The following ZNF7 variants were observed in gnomAD, a reference collection of about 807,000 sequenced individuals.
ZNF7 encodes the protein zinc finger protein 7.
ZNF7 carries 10 observed loss-of-function variants against 12.0 expected under a neutral mutation model. The ratio of observed to expected loss-of-function variants is 0.83; its 90% CI spans 0.51 to 1.42. The LOEUF (loss-of-function observed/expected upper bound fraction) is 1.42. Among genes scored for constraint, ZNF7 ranks in the 40% most tolerant of loss-of-function variants. ZNF7 has a pLI of 0.00. For synonymous variants in ZNF7, 334 were observed against 295.0 expected, an observed-to-expected ratio of 1.13 and a Z score of -1.35; for missense variants, 854 against 837.2, an observed-to-expected ratio of 1.02 and a Z score of -0.25.
intron 1 of ZNF7, 51 bp downstream of exon 1, chr8:144,827,660 C>A: frequency 1.0e-6 from 1 of 985,376 alleles, no homozygotes; most frequent in Non-Finnish European, 1.2e-6. Flanking sequence ...TCCGAGTGAT[C>A]CCTGGTCGCT....
In ZNF7 at chr8:144,842,959, G is replaced by T. The variant is rs1830148802; in HGVS notation, c.1852G>T (p.Gly618Trp). 6.2e-7 allele frequency: 1 copy of T among 1,614,072 alleles called. No homozygotes were observed. The highest frequency in any genetic ancestry group is 1.7e-5 in the Admixed American group (1 of 60,000). ...WFYEYGNALE[G>W]STFVSRKKVN... ...TTACGAATATGGGAATGCCCTGGAAGGGTCCACCTTTGTGAGCCGTAAAAA... is the reference window on the plus strand; with the variant it reads ...TTACGAATATGGGAATGCCCTGGAATGGTCCACCTTTGTGAGCCGTAAAAA... The change falls in exon 5 of 5, where the codon GGG becomes TGG. Residue 618 changes from glycine (G) to tryptophan (W), a missense_variant. Coordinates refer to ENST00000532777, the MANE Select transcript of ZNF7 (RefSeq NM_003416.4).
chr8:144,831,391 TCGTGTGTGCACAGG>T (rs140631480), intron 3 of ZNF7, among the ~76,000 whole-genome samples: 6,543 of 152,250 alleles, frequency 0.043, 460 homozygotes, highest in African/African-American at 0.15. Flanking sequence ...TGGGGCAAGC[TCGTGTGTGCACAGG>T]CAGTGATGGT....
Position 144,842,380 on chromosome 8 carries a change from A to G in ZNF7, c.1273A>G (p.Ile425Val), listed in dbSNP as rs764312595. The G allele has an allele frequency of 1.2e-6, 2 of 1,613,916 alleles. No homozygotes were observed. The highest frequency in any genetic ancestry group is 1.1e-5 in the South Asian group (1 of 91,088). Residue 425 changes from isoleucine to valine, a missense_variant, in exon 5 of 5, where the codon ATC (isoleucine) becomes GTC (valine). By Grantham distance (29) the Ile-to-Val change is conservative. Coordinates refer to ENST00000532777, the MANE Select transcript of ZNF7 (RefSeq NM_003416.4). ...CDECGKAFRW[I>V]SRLSQHQLIH... ...TGAGTGTGGGAAAGCTTTTAGGTGG[A>G]TCTCTCGCCTGAGTCAGCATCAGCT...
rs185697119 is a variant in ZNF7 at position 144,837,820 on chromosome 8, C to T, written c.247+313C>T. Among the ~76,000 whole-genome samples, 176 of 152,298 alleles carry T rather than the reference C, an allele frequency of 1.2e-3. 1 individual carries two copies. Among genetic ancestry groups the T allele is most frequent in the Non-Finnish European group, 9.6e-4 (65 of 68,016 alleles). On this transcript the variant is annotated intron_variant, in intron 4 of 4. Coordinates refer to ENST00000532777, the MANE Select transcript of ZNF7 (RefSeq NM_003416.4). ...CTCATACTTTCGTTAAGCAAAGATA[C>T]AAACCTATGGATCCAAGTGAAGGGT...
Position 144,829,484 on chromosome 8 carries a change from G to A in ZNF7, c.10G>A (p.Val4Ile). 1 of 1,614,154 alleles carries A rather than the reference G, an allele frequency of 6.2e-7. No individual in the cohort carries two copies. The highest frequency in any genetic ancestry group is 2.2e-5 in the East Asian group (1 of 44,888). Reference sequence around the variant, plus strand: ...CTGGTGTGTGTCCTTTCAGGAGGTGGTAACATTTGGCGATGTGGCTGTGCA... The same window carrying A: ...CTGGTGTGTGTCCTTTCAGGAGGTGATAACATTTGGCGATGTGGCTGTGCA... MEV[V>I]TFGDVAVHFS... Residue 4 changes from valine to isoleucine, a missense_variant, in exon 3 of 5, where the codon GTA becomes ATA. Physicochemically the swap from Val to Ile is conservative, Grantham distance 29. Coordinates refer to ENST00000532777, the MANE Select transcript of ZNF7 (RefSeq NM_003416.4).
At chr8:144,846,204 A>T (rs2130759128), downstream of ZNF7, 1 of 1,532,394 alleles carries the variant, frequency 6.5e-7, no homozygotes, top group Non-Finnish European at 8.7e-7. Context: ...TGCTAACCAT[A>T]ATGCTGTGTT....
rs762274735 is a variant in ZNF7 at position 144,841,435 on chromosome 8, A to G, written c.328A>G (p.Arg110Gly). 3 of 1,614,252 alleles carry G rather than the reference A, an allele frequency of 1.9e-6. No homozygotes were observed. The South Asian group carries it at 3.3e-5, about 18-fold the overall frequency. ...LKSESYGTVV[R>G]ISPQDFPQNP... Reference sequence around the variant, plus strand: ...ATCAGAATCCTATGGGACAGTGGTCAGAATCTCCCCACAGGACTTTCCTCA... The same window carrying G: ...ATCAGAATCCTATGGGACAGTGGTCGGAATCTCCCCACAGGACTTTCCTCA... The change falls in exon 5 of 5, where the codon AGA becomes GGA. Residue 110 changes from arginine to glycine, a missense_variant. Coordinates refer to ENST00000532777, the MANE Select transcript of ZNF7 (RefSeq NM_003416.4).
downstream of ZNF7, among the ~76,000 whole-genome samples, chr8:144,844,214 G>A (rs1830348827): frequency 6.6e-6 from 1 of 152,276 alleles, no homozygotes; most frequent in Admixed American, 6.5e-5. Flanking sequence ...AAACAATGTA[G>A]AGAAACATGC....
chr8:144,830,257 G>A (rs1386361550), intron 3 of ZNF7, among the ~76,000 whole-genome samples: 1 of 152,228 alleles, frequency 6.6e-6, no homozygotes, highest in Non-Finnish European at 1.5e-5. Flanking sequence ...ATCGTTGGTT[G>A]GCCAGGAGCT....
intron 1 of ZNF7, 33 bp downstream of exon 1, chr8:144,827,642 G>A: frequency 2.0e-6 from 2 of 985,524 alleles, no homozygotes; most frequent in East Asian, 1.1e-4. Flanking sequence ...GACTCGGGTT[G>A]CCCTCGGTCC....
chr8:144,834,763 C>CT (rs1586801570), intron 3 of ZNF7: 2 of 135,098 alleles, frequency 1.5e-5, no homozygotes, highest in East Asian at 4.2e-4. Context: ...TTTTTTGAGA[C>CT]GGAGTCTCGC....
At chr8:144,834,426 A>G (rs1436678166) in intron 3 of ZNF7, 1 of 152,210 alleles carries the variant, frequency 6.6e-6, no homozygotes, top group East Asian at 1.9e-4. Flanking sequence ...CCGTGTGGGC[A>G]TGTTGTGTTC....
downstream of ZNF7, among the ~76,000 whole-genome samples, chr8:144,844,513 A>AGG (rs1830380972): frequency 6.6e-6 from 1 of 151,804 alleles, no homozygotes; most frequent in African/African-American, 2.4e-5. Flanking sequence ...GATGAAGACC[A>AGG]TCCTGGCTAA....
At position 144,842,410 on chromosome 8, in the gene ZNF7, C is replaced by T; in HGVS notation, c.1303C>T (p.His435Tyr). ...TCGCCTGAGTCAGCATCAGCTGATT[C>T]ACACTGGAGAGAAGCCTTATAAATG... The part of the protein sequence containing the change: ...ISRLSQHQLI[H>Y]TGEKPYKCNK... Residue 435 changes from histidine to tyrosine, a missense_variant, in exon 5 of 5, where the codon CAC (histidine) becomes TAC (tyrosine). By Grantham distance (83) the His-to-Tyr change is moderately conservative. Coordinates refer to ENST00000532777, the MANE Select transcript of ZNF7 (RefSeq NM_003416.4). 1 of 1,614,090 alleles carries T rather than the reference C, an allele frequency of 6.2e-7. No homozygotes were observed. The highest frequency in any genetic ancestry group is 8.5e-7 in the Non-Finnish European group (1 of 1,180,038).
chr8:144,830,987 G>A (rs1828388240), intron 3 of ZNF7: 1 of 456,332 alleles, frequency 2.2e-6, no homozygotes, highest in South Asian at 1.5e-5. Context: ...TCCACGTGAT[G>A]GCAACCTGTG....
In ZNF7 at chr8:144,842,350, T is replaced by C; in HGVS notation, c.1243T>C (p.Cys415Arg). The change falls in exon 5 of 5, where the codon TGT becomes CGT. Residue 415 changes from cysteine (C) to arginine (R), a missense_variant. Coordinates refer to ENST00000532777, the MANE Select transcript of ZNF7 (RefSeq NM_003416.4). The part of the protein sequence containing the change: ...RIHAVEKPFK[C>R]DECGKAFRWI... ...TCACGCTGTAGAGAAACCATTTAAG[T>C]GTGATGAGTGTGGGAAAGCTTTTAG... 1 of 1,614,044 alleles carries C rather than the reference T, an allele frequency of 6.2e-7. No individual in the cohort carries two copies. Among genetic ancestry groups the C allele is most frequent in the East Asian group, 2.2e-5 (1 of 44,884 alleles).
intron 3 of ZNF7, chr8:144,830,811 G>T (rs1044526066): frequency 2.4e-5 from 9 of 378,010 alleles, no homozygotes; most frequent in African/African-American, 1.5e-4. Flanking sequence ...TTGGCTCACC[G>T]CCACCTCCGC....
At chr8:144,833,104 A>C (rs1828626898) in intron 3 of ZNF7, among the ~76,000 whole-genome samples, 1 of 150,546 alleles carries the variant, frequency 6.6e-6, no homozygotes, top group South Asian at 2.2e-4. Flanking sequence ...AGGCTGAGAC[A>C]GGAGAATCGC....
chr8:144,841,635 C>T lies in ZNF7; in HGVS notation c.528C>T (p.Ser176=). ...DAPQGCKELG[S]SGLDCQPLES... The stretch of plus-strand genomic sequence containing the variant: ...CCCAGGGATGTAAGGAGCTGGGAAG[C>T]AGCGGCCTGGATTGTCAGCCTCTTG... Residue 176 remains serine (S), a synonymous_variant, in exon 5 of 5, where the codon AGC becomes AGT. Coordinates refer to ENST00000532777, the MANE Select transcript of ZNF7 (RefSeq NM_003416.4). The T allele has an allele frequency of 6.2e-7, 1 of 1,614,234 alleles. No homozygotes were observed. The highest frequency in any genetic ancestry group is 8.5e-7 in the Non-Finnish European group (1 of 1,180,042).
Sources: gnomAD v4.1 joint callset for allele counts (sites outside exome capture counted in the v4.1 genomes callset) on GRCh38, gnomAD v4.1.1 for gene constraint, MANE v1.5 for transcripts, NCBI Gene and HGNC (gene_info 2026-07-23, HGNC 2026-07-21) for gene names.